Variants in ANO2 observed in about 807,000 individuals in gnomAD.
ANO2 encodes the protein anoctamin-2.
ANO2 carries 101 observed loss-of-function variants against 124.2 expected under a neutral mutation model. That is an observed-to-expected ratio of 0.81 (90% CI 0.69 to 0.96). ANO2 has a LOEUF of 0.96. Ranked by LOEUF, ANO2 falls within the 40% of genes least tolerant of loss-of-function variation. The pLI is 0.00. For synonymous variants in ANO2, 486 were observed against 482.5 expected (o/e 1.01, Z -0.09); for missense variants, 1,293 against 1,274.5 (o/e 1.01, Z -0.22).
rs897115855 is a variant in ANO2 at position 5,565,587 on chromosome 12, C to A, written c.2698G>T (p.Ala900Ser). 2 of 1,604,910 alleles carry A rather than the reference C, an allele frequency of 1.2e-6. No individual in the cohort carries two copies. Among genetic ancestry groups the A allele is most frequent in the Non-Finnish European group, 1.7e-6 (2 of 1,175,450 alleles). ...AAGATTATGACAAAAGCCAGACGGG[C>A]GGACAGAATAAACCAGTACTGTTTC... ...FSKQYWFILSARLAFVIIFQN... is the reference protein window; with the variant it reads ...FSKQYWFILSSRLAFVIIFQN... The change falls in exon 24 of 25, where the codon GCC (alanine) becomes TCC (serine). Residue 900 changes from alanine to serine, a missense_variant. Ala to Ser is a moderately conservative substitution (Grantham distance 99, BLOSUM62 1). Transcript: ENST00000682330.
chr12:5,686,388 C>T (rs1296314375), intron 14 of ANO2, among the ~76,000 whole-genome samples: 3 of 152,152 alleles, frequency 2.0e-5, no homozygotes, highest in African/African-American at 7.2e-5. Flanking sequence ...TCCTCTTTCC[C>T]TCCCAAATAT....
At chr12:5,641,231 G>A (rs1240807807) in intron 15 of ANO2, among the ~76,000 whole-genome samples, 1 of 151,812 alleles carries the variant, frequency 6.6e-6, no homozygotes, top group Non-Finnish European at 1.5e-5. Context: ...TCAGGGGGTG[G>A]GGGGCAGGGG....
chr12:5,824,956 G>A (rs1186246546), intron 7 of ANO2, among the ~76,000 whole-genome samples: 1 of 152,096 alleles, frequency 6.6e-6, no homozygotes, highest in Non-Finnish European at 1.5e-5. Flanking sequence ...GAATAGCATG[G>A]GAAAGAACAG....
At chr12:5,839,403 G>C (rs1954435188) in intron 4 of ANO2, among the ~76,000 whole-genome samples, 1 of 152,170 alleles carries the variant, frequency 6.6e-6, no homozygotes, top group Admixed American at 6.5e-5. Context: ...ACAGGGCACT[G>C]GGTAGTGTGC....
chr12:5,647,956 C>G (rs150803087), intron 14 of ANO2, among the ~76,000 whole-genome samples, 155 bp from the exon 15 acceptor site: 2 of 152,122 alleles, frequency 1.3e-5, no homozygotes, highest in African/African-American at 4.8e-5. Context: ...TCAACAACTG[C>G]CCTTCTAATT....
chr12:5,733,002 C>T, intron 13 of ANO2: 1 of 1,109,714 alleles, frequency 9.0e-7, no homozygotes, highest in Non-Finnish European at 1.4e-6. Flanking sequence ...GGTCATCCCA[C>T]CAACTATCGT....
intron 3 of ANO2, among the ~76,000 whole-genome samples, chr12:5,913,106 T>A (rs1042887853): frequency 6.6e-6 from 1 of 152,122 alleles, no homozygotes; most frequent in Non-Finnish European, 1.5e-5. Context: ...TCTGTGGATG[T>A]CCAAGACGGA....
At chr12:5,732,797 AACATAAGAAC>A in intron 13 of ANO2, 167 bp from the exon 14 acceptor site, 1 of 1,601,096 alleles carries the variant, frequency 6.2e-7, no homozygotes, top group Non-Finnish European at 8.6e-7. Flanking sequence ...ATCACATCCT[AACATAAGAAC>A]ACAACGTGAG....
intron 14 of ANO2, among the ~76,000 whole-genome samples, chr12:5,716,745 C>T (rs1222238847): frequency 1.3e-5 from 2 of 152,146 alleles, no homozygotes; most frequent in Non-Finnish European, 2.9e-5. Context: ...GTCTAGCCTT[C>T]CTGGAGAATC....
chr12:5,707,014 TAAC>T (rs1949635109), intron 14 of ANO2, among the ~76,000 whole-genome samples: 1 of 152,216 alleles, frequency 6.6e-6, no homozygotes, highest in African/African-American at 2.4e-5. Context: ...GAATTGTATT[TAAC>T]AATATATGAT....
At chr12:5,797,131 G>T (rs1322541580) in intron 10 of ANO2, among the ~76,000 whole-genome samples, 2 of 152,232 alleles carry the variant, frequency 1.3e-5, no homozygotes, top group African/African-American at 4.8e-5. Context: ...GGCACACGGA[G>T]GGTGCCATGC....
At chr12:5,798,530 G>A (rs1177079682) in intron 10 of ANO2, among the ~76,000 whole-genome samples, 1 of 152,130 alleles carries the variant, frequency 6.6e-6, no homozygotes, top group East Asian at 1.9e-4. Context: ...CCAGGAACAC[G>A]CTCTATTCTC....
chr12:5,610,990 G>GCTTTTTTTTTTGTTTTTTT (rs1944521357), intron 19 of ANO2, among the ~76,000 whole-genome samples: 13 of 27,078 alleles, frequency 4.8e-4, no homozygotes, highest in Admixed American at 7.1e-4. Context: ...TTTTTTTTTT[G>GCTTTTTTTTTTGTTTTTTT]AGACAGAGTC....
chr12:5,785,413 C>T (rs2137140231), intron 10 of ANO2, among the ~76,000 whole-genome samples: 1 of 152,198 alleles, frequency 6.6e-6, no homozygotes, highest in African/African-American at 2.4e-5. Context: ...CACAGGAAGC[C>T]CACTTTGTGT....
In ANO2 at chr12:5,854,011, A is replaced by T. The variant is rs750926696; in HGVS notation, c.633+32T>A. On this transcript the variant is annotated intron_variant, in intron 4 of 24. Coordinates refer to ENST00000682330, the MANE Select transcript of ANO2 (RefSeq NM_001364791.2). The stretch of plus-strand genomic sequence containing the variant: ...TATTTGCATCCATCCAGCCCTCAGG[A>T]GGCCCAGAACCCAGGAGAAACATGC... The T allele has an allele frequency of 1.9e-6, 3 of 1,589,310 alleles. No individual in the cohort carries two copies. The South Asian group carries it at 3.3e-5, about 18-fold the overall frequency.
rs114798357 is a variant in ANO2 at position 5,912,327 on chromosome 12, A to G, written c.534+8713T>C. On this transcript the variant is annotated intron_variant, in intron 3 of 24. Transcript: ENST00000682330. ...AGAGGAGCAGAAGCAAGAAGACCTT[A>G]TTTCAAGGCCCAGCCCTGCTACTCA... Among the ~76,000 whole-genome samples, 1,152 of 152,210 alleles carry G rather than the reference A, an allele frequency of 7.6e-3. 14 individuals are homozygous for G. The highest frequency in any genetic ancestry group is 0.026 in the African/African-American group (1,088 of 41,512).
chr12:5,936,116 A>G (rs1377448351), intron 1 of ANO2, among the ~76,000 whole-genome samples: 2 of 152,140 alleles, frequency 1.3e-5, no homozygotes, highest in Non-Finnish European at 2.9e-5. Context: ...TATAAGAGTT[A>G]TTTCTATATT....
intron 3 of ANO2, among the ~76,000 whole-genome samples, chr12:5,911,367 C>A (rs1173397333): frequency 6.6e-6 from 1 of 152,122 alleles, no homozygotes; most frequent in Non-Finnish European, 1.5e-5. Context: ...AGCCCCAGAC[C>A]GATAAAGACC....
At chr12:5,614,857 C>A (rs1944721882) in intron 17 of ANO2, among the ~76,000 whole-genome samples, 1 of 152,164 alleles carries the variant, frequency 6.6e-6, no homozygotes. Context: ...ATCAGAATTG[C>A]ATTACAAGAT....
Sources: allele counts gnomAD v4.1 joint callset (sites outside exome capture counted in the v4.1 genomes callset), GRCh38; gene constraint gnomAD v4.1.1; transcripts MANE v1.5; gene names NCBI Gene and HGNC (gene_info 2026-07-23, HGNC 2026-07-21).